GTF3C5: variants seen among roughly 807,000 people sequenced by gnomAD.
GTF3C5 encodes general transcription factor 3C polypeptide 5.
GTF3C5 carries 47 observed loss-of-function variants against 61.0 expected under a neutral mutation model. The ratio of observed to expected loss-of-function variants is 0.77; its 90% CI spans 0.61 to 0.98. GTF3C5 has a LOEUF of 0.98. Ranked by LOEUF, GTF3C5 falls within the 50% of genes least tolerant of loss-of-function variation. The probability of loss-of-function intolerance (pLI) is 0.00; values close to 1 mark genes in which losing one functional copy is unlikely to be tolerated. For missense variants in GTF3C5, 659 were observed against 703.3 expected (o/e 0.94, Z 0.71); for synonymous variants, 295 against 275.4 (o/e 1.07, Z -0.71).
chr9:133,034,621 C>T (rs1042585387), intron 1 of GTF3C5, among the ~76,000 whole-genome samples: 14 of 152,188 alleles, frequency 9.2e-5, no homozygotes, highest in African/African-American at 2.7e-4. Context: ...TTCAGCCGTT[C>T]GAATCGCTGT....
chr9:133,043,288 C>T (rs1333290666), intron 2 of GTF3C5, among the ~76,000 whole-genome samples: 2 of 152,184 alleles, frequency 1.3e-5, no homozygotes, highest in Non-Finnish European at 2.9e-5. Context: ...CGAATTGAAC[C>T]AGCATCTTGC....
rs1338461157 is a variant in GTF3C5, at chr9:133,057,824, C to T, written c.1404C>T (p.Ser468=). 2 of 1,604,824 alleles carry T rather than the reference C, an allele frequency of 1.2e-6. No homozygotes were observed. Among genetic ancestry groups the T allele is most frequent in the Admixed American group, 3.4e-5 (2 of 59,310 alleles). ...TIRSKRPALF[S]SSAKADGGKE... is the part of the protein sequence containing the mutation. ...CTCCTCCGGCCCCAGCTCTCTTTTCCAGCTCAGCCAAGGCTGATGGCGGAA... is the reference window on the plus strand; with the variant it reads ...CTCCTCCGGCCCCAGCTCTCTTTTCTAGCTCAGCCAAGGCTGATGGCGGAA... The change falls in exon 11 of 11, where the codon TCC becomes TCT. Residue 468 remains serine (S), a synonymous_variant. Coordinates refer to ENST00000372097, the MANE Select transcript of GTF3C5 (RefSeq NM_012087.4).
intron 3 of GTF3C5, among the ~76,000 whole-genome samples, chr9:133,048,997 C>T (rs1401605596): frequency 6.6e-6 from 1 of 152,242 alleles, no homozygotes; most frequent in Non-Finnish European, 1.5e-5. Context: ...GGAGATTGAG[C>T]TTCCCACAAA....
chr9:133,041,883 A>G (rs1419614667), intron 1 of GTF3C5, among the ~76,000 whole-genome samples: 1 of 152,136 alleles, frequency 6.6e-6, no homozygotes, highest in Non-Finnish European at 1.5e-5. Flanking sequence ...AAGGAAGGAG[A>G]CGATTCTCAT....
At chr9:133,055,320 G>T (rs1314551925) in intron 8 of GTF3C5, 5 of 1,371,140 alleles carry the variant, frequency 3.6e-6, no homozygotes, top group Non-Finnish European at 4.8e-6. Flanking sequence ...GCCGAGAAGG[G>T]GGCATCCCGC....
intron 10 of GTF3C5, 77 bp from the exon 11 acceptor site, chr9:133,057,737 C>T: frequency 7.1e-7 from 1 of 1,402,304 alleles, no homozygotes; most frequent in Non-Finnish European, 9.6e-7. Flanking sequence ...AACAGGCTCC[C>T]CAGAGCCTGG....
chr9:133,056,468 G>C (rs1829942912), intron 9 of GTF3C5, among the ~76,000 whole-genome samples: 1 of 152,230 alleles, frequency 6.6e-6, no homozygotes, highest in Admixed American at 6.5e-5. Flanking sequence ...ACTGGGATGA[G>C]AGGAGATGGG....
Position 133,042,179 on chromosome 9 carries a change from C to T in GTF3C5, c.246C>T (p.Ser82=), listed in dbSNP as rs1850057260. ...HPVCANRFST[S]SLLLRIRKRT... ...TGTGCGCCAACCGCTTCAGTACCAG[C>T]AGCCTGCTGCTCCGCATCAGGAAGA... Residue 82 remains serine (S), a synonymous_variant, in exon 2 of 11, where the codon AGC becomes AGT. Transcript: ENST00000372097. 3.1e-6 allele frequency: 5 copies of T among 1,614,056 alleles called. No homozygotes were observed. Among genetic ancestry groups the T allele is most frequent in the Non-Finnish European group, 3.4e-6 (4 of 1,179,858 alleles).
At chr9:133,042,639 C>G (rs1302251659) in intron 2 of GTF3C5, among the ~76,000 whole-genome samples, 5 of 152,228 alleles carry the variant, frequency 3.3e-5, no homozygotes. Context: ...TGAACCTTCT[C>G]TTGTCTCGGC....
chr9:133,043,991 G>A (rs112196740), intron 3 of GTF3C5, 65 bp downstream of exon 3: 38,371 of 1,210,060 alleles, frequency 0.032, 817 homozygotes, highest in East Asian at 0.083. Flanking sequence ...GGGCACGGAG[G>A]CTCACACACT....
chr9:133,041,265 G>A (rs1850030376), intron 1 of GTF3C5, among the ~76,000 whole-genome samples: 1 of 152,218 alleles, frequency 6.6e-6, no homozygotes, highest in Admixed American at 6.5e-5. Flanking sequence ...CTTGTGGAGG[G>A]CCTGACATCA....
intron 2 of GTF3C5, among the ~76,000 whole-genome samples, chr9:133,043,279 G>T (rs114080658): frequency 0.014 from 2,149 of 152,200 alleles, 49 homozygotes; most frequent in African/African-American, 0.047. Flanking sequence ...ATTTTTCATC[G>T]AATTGAACCA....
Position 133,050,882 on chromosome 9 carries a change from G to T in GTF3C5, c.672G>T (p.Glu224Asp). Residue 224 changes from glutamate (E) to aspartate (D), a missense_variant, in exon 4 of 11, where the codon GAG becomes GAT. Glu to Asp is a conservative substitution (Grantham distance 45, BLOSUM62 2). Transcript: ENST00000372097. ...HNAIFVNFED[E>D]EVPKQPLEAA... The stretch of plus-strand genomic sequence containing the variant: ...CCATCTTTGTCAACTTTGAGGATGA[G>T]GAGGTGCCCAAGCAGCCACTGGAGG... 1 of 1,614,042 alleles carries T rather than the reference G, an allele frequency of 6.2e-7. No individual in the cohort carries two copies. The highest frequency in any genetic ancestry group is 1.7e-4 in the Middle Eastern group (1 of 6,060).
At chr9:133,052,753 A>C (rs950381069) in intron 5 of GTF3C5, among the ~76,000 whole-genome samples, 1 of 151,934 alleles carries the variant, frequency 6.6e-6, no homozygotes, top group Non-Finnish European at 1.5e-5. Flanking sequence ...CACAAGAAAG[A>C]CTCATTTCTT....
At position 133,053,324 on chromosome 9, in the gene GTF3C5, C is replaced by T. The variant is rs183500863; in HGVS notation, c.874-504C>T. On this transcript the variant is annotated intron_variant, in intron 5 of 10. Transcript: ENST00000372097. ...GGGAGGCCAGGCATGATGGCTCACT[C>T]CTAGAATCCCGGTACTTCGGGAGGC... 2.1e-4 allele frequency among the ~76,000 whole-genome samples: 32 copies of T among 152,306 alleles called. 1 individual carries two copies. Among genetic ancestry groups the T allele is most frequent in the Admixed American group, 1.1e-3 (17 of 15,300 alleles).
chr9:133,047,941 A>C (rs1049516890), intron 3 of GTF3C5, among the ~76,000 whole-genome samples: 5 of 152,220 alleles, frequency 3.3e-5, no homozygotes, highest in Non-Finnish European at 7.3e-5. Flanking sequence ...CCTGAGCGAC[A>C]TAGTGAGACC....
At chr9:133,054,557 G>A (rs578008336) in intron 7 of GTF3C5, 69 bp downstream of exon 7, 4 of 1,503,672 alleles carry the variant, frequency 2.7e-6, no homozygotes, top group African/African-American at 2.8e-5. Flanking sequence ...CCTGGACCCA[G>A]ACGGGGAGGT....
Position 133,058,019 on chromosome 9 carries a change from G to A in GTF3C5, c.*39G>A, listed in dbSNP as rs376323355. 8 of 1,609,722 alleles carry A rather than the reference G, an allele frequency of 5.0e-6. No individual in the cohort carries two copies. Among genetic ancestry groups the A allele is most frequent in the South Asian group, 3.3e-5 (3 of 90,776 alleles). ...TGGGCCTCCCTGACCCGGCCAGACT[G>A]GTGTCTGGCCTAATGAGGGAGCCGG... On this transcript the variant is annotated 3_prime_UTR_variant, in exon 11 of 11. Transcript: ENST00000372097.
intron 8 of GTF3C5, 60 bp from the exon 9 acceptor site, chr9:133,055,952 A>G: frequency 6.2e-7 from 1 of 1,608,524 alleles, no homozygotes; most frequent in Non-Finnish European, 8.5e-7. Flanking sequence ...GGAGTCTGCA[A>G]CACTGGCAGC....
Sources: allele counts gnomAD v4.1 joint callset (sites outside exome capture counted in the v4.1 genomes callset), GRCh38; gene constraint gnomAD v4.1.1; transcripts MANE v1.5; gene names NCBI Gene and HGNC (gene_info 2026-07-23, HGNC 2026-07-21).